ADCY9: variants seen among roughly 807,000 people sequenced by gnomAD.
The protein encoded by ADCY9 is adenylate cyclase 9.
In ADCY9, 50 loss-of-function variants were observed where a neutral mutation model predicts 101.5. The observed-to-expected ratio is 0.49, with a 90% CI of 0.39 to 0.62. The LOEUF is 0.62. Among genes scored for constraint, ADCY9 ranks in the 20% least tolerant of loss-of-function variants. The probability of loss-of-function intolerance (pLI) is 0.00; values close to 1 mark genes in which losing one functional copy is unlikely to be tolerated. For missense variants in ADCY9, 1,662 were observed against 1,800.4 expected, an observed-to-expected ratio of 0.92 and a Z score of 1.39; for synonymous variants, 905 against 769.3, an observed-to-expected ratio of 1.18 and a Z score of -2.92.
chr16:4,109,923 C>A (rs755764729), intron 2 of ADCY9, among the ~76,000 whole-genome samples: 1 of 152,192 alleles, frequency 6.6e-6, no homozygotes, highest in Non-Finnish European at 1.5e-5. Context: ...CCCACGCTAC[C>A]CATGGCCTTC....
At chr16:4,109,490 C>T (rs1366382987) in intron 2 of ADCY9, among the ~76,000 whole-genome samples, 2 of 152,290 alleles carry the variant, frequency 1.3e-5, no homozygotes, top group East Asian at 1.9e-4. Context: ...GGGTTCCGGG[C>T]CTCTGTACTC....
rs1429215614 is a variant in ADCY9, at chr16:4,007,428, T to C, written c.1824A>G (p.Thr608=). Residue 608 remains threonine, a synonymous_variant, in exon 3 of 11, where the codon ACA becomes ACG. Transcript: ENST00000294016. ...AGTCACTGACATTCCCTGATGACGC[T>C]GTCCCCTGTCCCCTAGGGCCTGAGG... is the stretch of plus-strand genomic sequence containing the variant. ...QVSSGPRGQG[T]ASSGNVSDLA... is the part of the protein sequence containing the mutation. 5 of 1,612,278 alleles carry C rather than the reference T, an allele frequency of 3.1e-6. No homozygotes were observed. Among genetic ancestry groups the C allele is most frequent in the African/African-American group, 1.3e-5 (1 of 74,748 alleles).
intron 2 of ADCY9, among the ~76,000 whole-genome samples, chr16:4,067,957 G>A (rs2056810743): frequency 6.6e-6 from 1 of 151,952 alleles, no homozygotes; most frequent in Non-Finnish European, 1.5e-5. Flanking sequence ...TTAATTAAAT[G>A]GGTTAAGGGA....
intron 3 of ADCY9, 87 bp from the exon 4 acceptor site, chr16:3,993,597 C>T (rs945817519): frequency 9.3e-5 from 142 of 1,522,846 alleles, no homozygotes; most frequent in Non-Finnish European, 1.1e-4. Flanking sequence ...TGCCATCTGC[C>T]GTCACGCAGC....
At chr16:4,050,748 C>T (rs1363035866) in intron 2 of ADCY9, among the ~76,000 whole-genome samples, 7 of 147,208 alleles carry the variant, frequency 4.8e-5, no homozygotes, top group South Asian at 2.1e-4. Flanking sequence ...TTCCTAACTA[C>T]GCTGCTTGAG....
chr16:4,018,122 C>A (rs951298774), intron 2 of ADCY9, among the ~76,000 whole-genome samples: 2 of 152,188 alleles, frequency 1.3e-5, no homozygotes, highest in African/African-American at 4.8e-5. Flanking sequence ...GCATCTTCAG[C>A]TGGAAGAAAG....
Position 4,032,486 on chromosome 16 carries a change from C to T in ADCY9, c.1694-24928G>A, listed in dbSNP as rs1033642588. ...ACAATCAGATTGTACATTTATTTTACGTGGTCTTCCATCTATATCACACAA... is the reference window on the plus strand; with the variant it reads ...ACAATCAGATTGTACATTTATTTTATGTGGTCTTCCATCTATATCACACAA... On this transcript the variant is annotated intron_variant, in intron 2 of 10. Transcript: ENST00000294016. Among the ~76,000 whole-genome samples, 14 of 150,902 alleles carry T rather than the reference C, an allele frequency of 9.3e-5. 1 individual carries two copies. The East Asian group carries it at 9.8e-4, about 11-fold the overall frequency.
At chr16:4,041,653 T>C (rs745519428) in intron 2 of ADCY9, among the ~76,000 whole-genome samples, 21 of 151,936 alleles carry the variant, frequency 1.4e-4, no homozygotes, top group African/African-American at 3.4e-4. Flanking sequence ...ACTGCTTTAA[T>C]GCCAAGCTAA....
At position 3,989,051 on chromosome 16, in the gene ADCY9, G is replaced by A; in HGVS notation, c.2253C>T (p.Ser751=). Residue 751 remains serine, a synonymous_variant, in exon 6 of 11, where the codon AGC becomes AGT. Transcript: ENST00000294016. ...CCAGCTCCTGATCCAGGAAGTTCAGGCTGAACTGATTAATGGGCGGCTTAA... is the reference window on the plus strand; with the variant it reads ...CCAGCTCCTGATCCAGGAAGTTCAGACTGAACTGATTAATGGGCGGCTTAA... ...YFFKPPINQF[S]LNFLDQELER... 6.2e-7 allele frequency: 1 copy of A among 1,614,154 alleles called. No individual in the cohort carries two copies. Among genetic ancestry groups the A allele is most frequent in the East Asian group, 2.2e-5 (1 of 44,876 alleles).
At chr16:3,958,857 G>A (rs1458620111), downstream of ADCY9, among the ~76,000 whole-genome samples, 1 of 151,548 alleles carries the variant, frequency 6.6e-6, no homozygotes, top group Non-Finnish European at 1.5e-5. Flanking sequence ...TGTATTTTTA[G>A]TAGAGACAGG....
At chr16:4,017,253 G>T (rs2056444586) in intron 2 of ADCY9, among the ~76,000 whole-genome samples, 1 of 150,310 alleles carries the variant, frequency 6.7e-6, no homozygotes, top group Non-Finnish European at 1.5e-5. Flanking sequence ...GAGATTTAGA[G>T]AAGAAATAAA....
chr16:4,010,407 C>T (rs1045527740), intron 2 of ADCY9, among the ~76,000 whole-genome samples: 39 of 152,238 alleles, frequency 2.6e-4, no homozygotes, highest in African/African-American at 8.7e-4. Context: ...ACGGGGAGCA[C>T]GGAGTGGCAG....
intron 2 of ADCY9, among the ~76,000 whole-genome samples, chr16:4,043,063 C>G (rs2601800): frequency 0.8 from 121,989 of 151,794 alleles, 50,424 homozygotes; most frequent in East Asian, 0.96. Flanking sequence ...AACCTCATCT[C>G]TACTAAAAAT....
intron 2 of ADCY9, among the ~76,000 whole-genome samples, chr16:4,038,432 G>C (rs2056604732): frequency 1.3e-5 from 2 of 152,112 alleles, no homozygotes; most frequent in South Asian, 4.1e-4. Context: ...CGTAGCCTTT[G>C]CTCTTCTGTC....
chr16:4,037,877 G>A (rs1485067909), intron 2 of ADCY9, among the ~76,000 whole-genome samples: 1 of 152,220 alleles, frequency 6.6e-6, no homozygotes, highest in Non-Finnish European at 1.5e-5. Context: ...CTAGAAAAGA[G>A]ACAATCCATT....
chr16:4,023,851 A>G (rs1022492351), intron 2 of ADCY9, among the ~76,000 whole-genome samples: 4 of 151,746 alleles, frequency 2.6e-5, no homozygotes, highest in Admixed American at 2.0e-4. Flanking sequence ...TGGAGGCTGC[A>G]GTGGGCCGAG....
intron 6 of ADCY9, among the ~76,000 whole-genome samples, chr16:3,988,403 G>A (rs2065014832): frequency 6.7e-6 from 1 of 149,892 alleles, no homozygotes; most frequent in Non-Finnish European, 1.5e-5. Flanking sequence ...TGGGACGGGG[G>A]CTCTTCCAGG....
rs547444985 is a variant in ADCY9, at chr16:4,058,964, G to C, written c.1694-51406C>G. ...ATTAAAGAAAGATGATTAAAGCTTG[G>C]AAAGCAAGTCACTAACTTATTAACA... On this transcript the variant is annotated intron_variant, in intron 2 of 10. Coordinates refer to ENST00000294016, the MANE Select transcript of ADCY9 (RefSeq NM_001116.4). 3.3e-5 allele frequency among the ~76,000 whole-genome samples: 5 copies of C among 152,324 alleles called. No homozygotes were observed. The East Asian group carries it at 9.6e-4, about 29-fold the overall frequency.
chr16:4,034,040 T>C (rs1012442092), intron 2 of ADCY9, among the ~76,000 whole-genome samples: 52 of 152,032 alleles, frequency 3.4e-4, no homozygotes, highest in Admixed American at 3.0e-3. Context: ...AACGAAAGAT[T>C]TGGTGGGTTT....
Sources: gnomAD v4.1 joint callset for allele counts (sites outside exome capture counted in the v4.1 genomes callset) on GRCh38, gnomAD v4.1.1 for gene constraint, MANE v1.5 for transcripts, NCBI Gene and HGNC (gene_info 2026-07-23, HGNC 2026-07-21) for gene names.